RAD9A: variants seen among roughly 807,000 people sequenced by gnomAD.
RAD9A encodes the protein cell cycle checkpoint control protein RAD9A.
In RAD9A, 25 loss-of-function variants were observed where a neutral mutation model predicts 41.2. That is an observed-to-expected ratio of 0.61 (90% CI 0.44 to 0.85). The LOEUF (loss-of-function observed/expected upper bound fraction) is 0.85, where lower values mean the gene tolerates loss of function less well. Ranked by LOEUF, RAD9A falls within the 40% of genes least tolerant of loss-of-function variation. The pLI is 0.00. For missense variants in RAD9A, 514 were observed against 518.3 expected (o/e 0.99, Z 0.08); for synonymous variants, 252 against 210.6 (o/e 1.20, Z -1.70).
intron 3 of RAD9A, 43 bp from the exon 4 acceptor site, chr11:67,393,453 T>C (rs1862591148): frequency 6.2e-7 from 1 of 1,606,426 alleles, no homozygotes; most frequent in Non-Finnish European, 8.5e-7. Flanking sequence ...GAGAGCTTGT[T>C]GCAGAGATGT....
At chr11:67,392,607 G>A in intron 2 of RAD9A, 47 bp from the exon 3 acceptor site, 1 of 1,609,166 alleles carries the variant, frequency 6.2e-7, no homozygotes, top group Non-Finnish European at 8.5e-7. Flanking sequence ...GGCTGGGTCT[G>A]TGGCTGCCCC....
intron 9 of RAD9A, among the ~76,000 whole-genome samples, chr11:67,396,863 G>C (rs1862718047): frequency 6.6e-6 from 1 of 152,186 alleles, no homozygotes; most frequent in Admixed American, 6.5e-5. Context: ...TGTCCCCTGG[G>C]AAGGTGGGGG....
intron 5 of RAD9A, among the ~76,000 whole-genome samples, chr11:67,394,617 G>A (rs1862625381): frequency 6.6e-6 from 1 of 151,488 alleles, no homozygotes; most frequent in Non-Finnish European, 1.5e-5. Context: ...TGCATTTAGG[G>A]TGGTGTCTTT....
chr11:67,392,182 C>G lies in RAD9A; in HGVS notation c.56C>G (p.Ser19Cys), dbSNP rs1356603097. 1.2e-6 allele frequency: 2 copies of G among 1,612,384 alleles called. No homozygotes were observed. Among genetic ancestry groups the G allele is most frequent in the African/African-American group, 2.7e-5 (2 of 74,920 alleles). ...NVKVLGKAVHSLSRIGDELYL... is the reference protein window; with the variant it reads ...NVKVLGKAVHCLSRIGDELYL... ...GCAGTGCTCGGCAAGGCCGTCCACT[C>G]CCTGTCCCGCATCGGGGACGAGCTC... Residue 19 changes from serine (S) to cysteine (C), a missense_variant, in exon 2 of 11, where the codon TCC becomes TGC. Coordinates refer to ENST00000307980, the MANE Select transcript of RAD9A (RefSeq NM_004584.3).
In RAD9A at chr11:67,395,995, ATCACTTTCTGCC is replaced by A; in HGVS notation, c.647_658del (p.Thr216_Leu219del). 1 of 1,614,120 alleles carries A rather than the reference ATCACTTTCTGCC, an allele frequency of 6.2e-7. No homozygotes were observed. On this transcript the variant is annotated inframe_deletion, in exon 7 of 11. Coordinates refer to ENST00000307980, the MANE Select transcript of RAD9A (RefSeq NM_004584.3). Reference sequence around the variant, plus strand: ...GCTGCAGGCCCAGGAAGGGGTGGCCATCACTTTCTGCCTCAAGGAATTCCGGGTGAGGTTCCT... The same window carrying A: ...GCTGCAGGCCCAGGAAGGGGTGGCCATCAAGGAATTCCGGGTGAGGTTCCT...
Position 67,392,651 on chromosome 11 carries a change from C to T in RAD9A, c.106-3C>T, listed in dbSNP as rs1410768186. 6.2e-7 allele frequency: 1 copy of T among 1,613,576 alleles called. No homozygotes were observed. Among genetic ancestry groups the T allele is most frequent in the Admixed American group, 1.7e-5 (1 of 60,022 alleles). The stretch of plus-strand genomic sequence containing the variant: ...GTCCCTCTCCCTGCTCTTCGTGGCC[C>T]AGCTCTCCCTCCGGACGGTGAACTC... On this transcript the variant is annotated splice_polypyrimidine_tract_variant and splice_region_variant and intron_variant, in intron 2 of 10. Coordinates refer to ENST00000307980, the MANE Select transcript of RAD9A (RefSeq NM_004584.3).
At chr11:67,392,815 C>T (rs779069230) in intron 3 of RAD9A, 33 bp downstream of exon 3, 2 of 1,610,058 alleles carry the variant, frequency 1.2e-6, no homozygotes, top group Non-Finnish European at 8.5e-7. Context: ...GGCACTACTC[C>T]ACCCCAGGAA....
chr11:67,396,454 T>A, intron 9 of RAD9A, 54 bp downstream of exon 9: 1 of 1,587,214 alleles, frequency 6.3e-7, no homozygotes. Context: ...CACTCCAGCC[T>A]GAGACTGCAA....
Position 67,398,170 on chromosome 11 carries a change from C to T in RAD9A, c.*611C>T, listed in dbSNP as rs936134762. ...GCCAGGCAGTGTCTTAGATGTGAGA[C>T]GGAGGCCATGGCGAGAATCCAGCTT... On this transcript the variant is annotated 3_prime_UTR_variant, in exon 11 of 11. Transcript: ENST00000307980. 17 of 291,302 alleles carry T rather than the reference C, an allele frequency of 5.8e-5. 1 individual carries two copies. Among genetic ancestry groups the T allele is most frequent in the East Asian group, 1.7e-4 (2 of 11,694 alleles). The allele number at this position is 291,302 out of a possible 1,614,324, so 18.0% of individuals were successfully genotyped here. A position where few individuals can be genotyped will look rare whatever the true frequency, so the allele number is the denominator to read the frequency against.
Position 67,397,396 on chromosome 11 carries a change from G to A in RAD9A, c.1080+10G>A, listed in dbSNP as rs1461109767. On this transcript the variant is annotated intron_variant, in intron 10 of 10. Coordinates refer to ENST00000307980, the MANE Select transcript of RAD9A (RefSeq NM_004584.3). Reference sequence around the variant, plus strand: ...TCCCCCACCCAAGAAGGTAGGGACTGGAGGTGGAGGCAGGGGTGGGAGGTA... The same window carrying A: ...TCCCCCACCCAAGAAGGTAGGGACTAGAGGTGGAGGCAGGGGTGGGAGGTA... 1 of 1,593,868 alleles carries A rather than the reference G, an allele frequency of 6.3e-7. No individual in the cohort carries two copies. Among genetic ancestry groups the A allele is most frequent in the Non-Finnish European group, 8.6e-7 (1 of 1,164,676 alleles).
chr11:67,395,334 A>T, intron 5 of RAD9A: 1 of 204,418 alleles, frequency 4.9e-6, no homozygotes. Context: ...ATAATTTCAA[A>T]TATATGTAAA....
rs370525333 is a variant in RAD9A, at chr11:67,394,040, C to T, written c.449+250C>T. Among the ~76,000 whole-genome samples the T allele has an allele frequency of 3.9e-4, 59 of 152,318 alleles. 1 individual carries two copies. In the East Asian group the frequency reaches 4.8e-3, roughly 12 times the overall value. On this transcript the variant is annotated intron_variant, in intron 5 of 10. Transcript: ENST00000307980. ...CTGTTAGGAGCCTGCATTCTCCATC[C>T]CAAAGGTCTGACTTGACTTTCTGGC...
chr11:67,393,518 C>T lies in RAD9A; in HGVS notation c.257C>T (p.Ser86Leu). The T allele has an allele frequency of 1.2e-6, 2 of 1,614,198 alleles. No individual in the cohort carries two copies. Among genetic ancestry groups the T allele is most frequent in the South Asian group, 1.1e-5 (1 of 91,082 alleles). The change falls in exon 4 of 11, where the codon TCA (serine) becomes TTA (leucine). Residue 86 changes from serine (S) to leucine (L), a missense_variant. By Grantham distance (145) the Ser-to-Leu change is moderately radical. Transcript: ENST00000307980. ...CAGTCTTTCCTGTCTGTCTTCCGCTCACTGGCGATGCTGGAGAAGACGGTG... is the reference window on the plus strand; with the variant it reads ...CAGTCTTTCCTGTCTGTCTTCCGCTTACTGGCGATGCTGGAGAAGACGGTG... The part of the protein sequence containing the change: ...LMKSFLSVFR[S>L]LAMLEKTVEK...
Position 67,398,373 on chromosome 11 carries a change from C to A in RAD9A, c.*814C>A. 1 of 711,666 alleles carries A rather than the reference C, an allele frequency of 1.4e-6. No homozygotes were observed. Among genetic ancestry groups the A allele is most frequent in the South Asian group, 1.9e-5 (1 of 52,490 alleles). The allele number at this position is 711,666 out of a possible 1,614,324, so 44.1% of individuals were successfully genotyped here. On this transcript the variant is annotated 3_prime_UTR_variant, in exon 11 of 11. Coordinates refer to ENST00000307980, the MANE Select transcript of RAD9A (RefSeq NM_004584.3). Reference sequence around the variant, plus strand: ...CAGGAAGCAGCCCTGGGGGACTGGACGCTGCTATTGATTCATTAAAAAAAG... The same window carrying A: ...CAGGAAGCAGCCCTGGGGGACTGGAAGCTGCTATTGATTCATTAAAAAAAG...
Position 67,398,303 on chromosome 11 carries a change from C to T in RAD9A, c.*744C>T. On this transcript the variant is annotated 3_prime_UTR_variant, in exon 11 of 11. Coordinates refer to ENST00000307980, the MANE Select transcript of RAD9A (RefSeq NM_004584.3). ...CCTGGCCTGCCGTTGCCCTGAGCTG[C>T]AGCCTCGGCCCCAGGATCCTGCTCA... 1 of 559,720 alleles carries T rather than the reference C, an allele frequency of 1.8e-6. No individual in the cohort carries two copies. The highest frequency in any genetic ancestry group is 3.1e-6 in the Non-Finnish European group (1 of 320,028). 34.7% of individuals were successfully genotyped at this position (559,720 alleles called of 1,614,324 possible).
In RAD9A at chr11:67,393,777, C is replaced by A; in HGVS notation, c.436C>A (p.Arg146Ser). ...FDPASCPHML[R>S]APARVLGEAV... Reference sequence around the variant, plus strand: ...CCCAGCCTCGTGCCCCCACATGCTCCGCGCCCCAGCACGGTGAGCACACCC... The same window carrying A: ...CCCAGCCTCGTGCCCCCACATGCTCAGCGCCCCAGCACGGTGAGCACACCC... Residue 146 changes from arginine (R) to serine (S), a missense_variant, in exon 5 of 11, where the codon CGC (arginine) becomes AGC (serine). This residue lies in a region of RAD9A where 268 missense variants were observed against 279.3 expected (regional missense o/e 0.96). Transcript: ENST00000307980. The A allele has an allele frequency of 6.2e-7, 1 of 1,608,286 alleles. No individual in the cohort carries two copies. Among genetic ancestry groups the A allele is most frequent in the Non-Finnish European group, 8.5e-7 (1 of 1,177,908 alleles).
rs1565119455 is a variant in RAD9A at position 67,397,597 on chromosome 11, T to TAGACGAAGCCCC, written c.*41_*52dup. 1 of 1,519,616 alleles carries TAGACGAAGCCCC rather than the reference T, an allele frequency of 6.6e-7. No homozygotes were observed. The highest frequency in any genetic ancestry group is 1.1e-5 in the South Asian group (1 of 87,682). The allele number at this position is 1,519,616 out of a possible 1,614,324, so 94.1% of individuals were successfully genotyped here. A position where few individuals can be genotyped will look rare whatever the true frequency, so the allele number is the denominator to read the frequency against. On this transcript the variant is annotated 3_prime_UTR_variant, in exon 11 of 11. Transcript: ENST00000307980. ...AAGCCTGTACCCAGAGGCCTTGGAC[T>TAGACGAAGCCCC]AGACGAAGCCCCAGCCAGTGGCAGA...
rs201245105 is a variant in RAD9A at position 67,397,263 on chromosome 11, G to C, written c.957G>C (p.Ser319=). ...AAACCACTATAGGCAATGAGGGCTC[G>C]CGGGTGCTGCCCTCCATTTCCCTTT... ...AMETTIGNEG[S]RVLPSISLSP... Residue 319 remains serine, a synonymous_variant, in exon 10 of 11, where the codon TCG becomes TCC. Coordinates refer to ENST00000307980, the MANE Select transcript of RAD9A (RefSeq NM_004584.3). 1 of 1,611,450 alleles carries C rather than the reference G, an allele frequency of 6.2e-7. No individual in the cohort carries two copies. The highest frequency in any genetic ancestry group is 8.5e-7 in the Non-Finnish European group (1 of 1,178,148).
At chr11:67,394,199 T>C (rs1418455389) in intron 5 of RAD9A, among the ~76,000 whole-genome samples, 4 of 152,240 alleles carry the variant, frequency 2.6e-5, no homozygotes, top group Non-Finnish European at 5.9e-5. Context: ...TTCTCCGGCC[T>C]GGGCATCCTT....
Sources: allele counts gnomAD v4.1 joint callset (sites outside exome capture counted in the v4.1 genomes callset), GRCh38; gene constraint gnomAD v4.1.1; regional missense constraint gnomAD v4.1.1; transcripts MANE v1.5; gene names NCBI Gene and HGNC (gene_info 2026-07-23, HGNC 2026-07-21).